Variants in DCDC1 observed in about 807,000 individuals in gnomAD.
The protein encoded by DCDC1 is doublecortin domain containing 1.
A neutral mutation model predicts 178.3 loss-of-function variants in DCDC1; 200 were observed. The observed-to-expected ratio is 1.12, with a 90% CI of 1.00 to 1.26. The LOEUF (loss-of-function observed/expected upper bound fraction) is 1.26, where lower values mean the gene tolerates loss of function less well. Ranked by LOEUF, DCDC1 falls within the 50% of genes most tolerant of loss-of-function variation. The pLI, the probability that DCDC1 is intolerant of heterozygous loss-of-function variation, is 0.00. For synonymous variants in DCDC1, 690 were observed against 604.8 expected (o/e 1.14, Z -2.07); for missense variants, 1,983 against 1,749.2 (o/e 1.13, Z -2.38).
intron 6 of DCDC1, among the ~76,000 whole-genome samples, chr11:31,291,969 C>G (rs1947261873): frequency 6.6e-6 from 1 of 151,930 alleles, no homozygotes. Context: ...CTCACAATGG[C>G]TATATTAAAT....
intron 9 of DCDC1, among the ~76,000 whole-genome samples, chr11:31,149,439 C>G (rs1361516873): frequency 6.6e-6 from 1 of 152,074 alleles, no homozygotes; most frequent in Non-Finnish European, 1.5e-5. Flanking sequence ...GTAAAATGGA[C>G]CAATCAGCAG....
At chr11:31,115,039 T>C (rs1164012596) in intron 11 of DCDC1, among the ~76,000 whole-genome samples, 1 of 152,206 alleles carries the variant, frequency 6.6e-6, no homozygotes, top group Non-Finnish European at 1.5e-5. Flanking sequence ...TGTTTGCATT[T>C]ATGGATGTAA....
At chr11:31,182,598 A>AAAC (rs751802880) in intron 9 of DCDC1, among the ~76,000 whole-genome samples, 22 of 152,068 alleles carry the variant, frequency 1.4e-4, no homozygotes, top group African/African-American at 3.1e-4. Flanking sequence ...TGTAAAAACA[A>AAAC]AACAACAACA....
Position 30,878,535 on chromosome 11 carries a change from T to C in DCDC1, c.*40+9A>G, listed in dbSNP as rs376020023. 43 of 1,551,262 alleles carry C rather than the reference T, an allele frequency of 2.8e-5. No homozygotes were observed. Among genetic ancestry groups the C allele is most frequent in the Middle Eastern group, 3.5e-4 (2 of 5,756 alleles). ...CATAACAAACATGAGTATGTGCACA[T>C]AGCTATACCAGAAAAATACAGCAGA... On this transcript the variant is annotated intron_variant, in intron 38 of 38. Transcript: ENST00000684477.
chr11:30,959,025 A>T lies in DCDC1; in HGVS notation c.2592-6457T>A, dbSNP rs1379586193. ...TAAGGGCTGAGACTTCTCAAGGATA[A>T]AGTCCTGGGTAAAGTAACTCACACT... On this transcript the variant is annotated intron_variant, in intron 20 of 38. Coordinates refer to ENST00000684477, the MANE Select transcript of DCDC1 (RefSeq NM_001387274.1). Among the ~76,000 whole-genome samples, 4 of 152,218 alleles carry T rather than the reference A, an allele frequency of 2.6e-5. No individual in the cohort carries two copies. In the South Asian group the frequency reaches 8.3e-4, roughly 32 times the overall value.
At chr11:31,249,921 C>T (rs1348016838) in intron 8 of DCDC1, among the ~76,000 whole-genome samples, 1 of 152,050 alleles carries the variant, frequency 6.6e-6, no homozygotes, top group East Asian at 1.9e-4. Context: ...ATACAGTAAT[C>T]ATTAGGACCC....
At chr11:30,911,724 C>T (rs1945462288) in intron 27 of DCDC1, among the ~76,000 whole-genome samples, 1 of 152,096 alleles carries the variant, frequency 6.6e-6, no homozygotes, top group African/African-American at 2.4e-5. Context: ...AAGCAGGTCT[C>T]CTGGGACCTT....
intron 17 of DCDC1, among the ~76,000 whole-genome samples, chr11:31,090,698 A>G (rs914161564): frequency 6.6e-6 from 1 of 152,178 alleles, no homozygotes; most frequent in Non-Finnish European, 1.5e-5. Context: ...GGCTGGATCA[A>G]CTTCTCTGAT....
intron 3 of DCDC1, among the ~76,000 whole-genome samples, chr11:31,310,924 T>C (rs1948734698): frequency 6.6e-6 from 1 of 152,154 alleles, no homozygotes; most frequent in Non-Finnish European, 1.5e-5. Context: ...TTCATGGCTG[T>C]CAAGGATACA....
chr11:30,926,982 G>A (rs1590391434), intron 22 of DCDC1, among the ~76,000 whole-genome samples: 1 of 152,102 alleles, frequency 6.6e-6, no homozygotes, highest in Non-Finnish European at 1.5e-5. Context: ...CAGCTCCACA[G>A]CAGTGGAGCT....
At chr11:31,259,563 A>T (rs191558587) in intron 8 of DCDC1, among the ~76,000 whole-genome samples, 1 of 152,282 alleles carries the variant, frequency 6.6e-6, no homozygotes, top group Non-Finnish European at 1.5e-5. Flanking sequence ...AAGCTAAATA[A>T]TCTGTCCAAG....
intron 9 of DCDC1, among the ~76,000 whole-genome samples, chr11:31,187,971 T>G (rs1386836362): frequency 6.6e-6 from 1 of 152,216 alleles, no homozygotes; most frequent in South Asian, 2.1e-4. Flanking sequence ...AGCAATTGCA[T>G]TTATAACACC....
intron 26 of DCDC1, among the ~76,000 whole-genome samples, chr11:30,916,100 A>G (rs556231260): frequency 6.6e-6 from 1 of 152,200 alleles, no homozygotes; most frequent in Admixed American, 6.5e-5. Context: ...TATTCAAACT[A>G]TGATTGTTTC....
chr11:31,260,993 A>G (rs1296970935), intron 8 of DCDC1, among the ~76,000 whole-genome samples: 1 of 152,204 alleles, frequency 6.6e-6, no homozygotes, highest in Non-Finnish European at 1.5e-5. Context: ...GTAGGGGTAG[A>G]ATTCTATTCC....
At chr11:30,897,486 G>A (rs1323013905) in intron 34 of DCDC1, among the ~76,000 whole-genome samples, 4 of 147,358 alleles carry the variant, frequency 2.7e-5, no homozygotes, top group African/African-American at 1.0e-4. Flanking sequence ...AGGAGGCTGA[G>A]ACAGGAGAAT....
At chr11:31,078,905 C>G (rs538395492) in intron 17 of DCDC1, among the ~76,000 whole-genome samples, 2 of 149,058 alleles carry the variant, frequency 1.3e-5, no homozygotes, top group South Asian at 4.2e-4. Context: ...GGTTAATAAG[C>G]CAAACTTTGG....
At chr11:31,217,461 T>C (rs1395791043) in intron 9 of DCDC1, among the ~76,000 whole-genome samples, 1 of 152,198 alleles carries the variant, frequency 6.6e-6, no homozygotes, top group Non-Finnish European at 1.5e-5. Flanking sequence ...CAAGTATATA[T>C]GTATACAAAG....
At chr11:30,885,806 C>A (rs1480996734) in intron 36 of DCDC1, among the ~76,000 whole-genome samples, 7 of 151,990 alleles carry the variant, frequency 4.6e-5, no homozygotes, top group Non-Finnish European at 7.4e-5. Context: ...AATTCTTAGG[C>A]ATGTTTATTA....
chr11:30,971,015 GCC>G (rs1326367252), intron 20 of DCDC1, among the ~76,000 whole-genome samples: 1 of 152,042 alleles, frequency 6.6e-6, no homozygotes, highest in Non-Finnish European at 1.5e-5. Flanking sequence ...CAGCTGGTGC[GCC>G]CACACACACA....
Sources: allele counts gnomAD v4.1 joint callset (sites outside exome capture counted in the v4.1 genomes callset), GRCh38; gene constraint gnomAD v4.1.1; transcripts MANE v1.5; gene names NCBI Gene and HGNC (gene_info 2026-07-23, HGNC 2026-07-21).